Variants in R3HDM2 observed in about 807,000 individuals in gnomAD.
R3HDM2 encodes the protein R3H domain containing 2.
R3HDM2 carries 38 observed loss-of-function variants against 124.5 expected under a neutral mutation model. The observed-to-expected ratio is 0.31, with a 90% CI of 0.24 to 0.40. The LOEUF (loss-of-function observed/expected upper bound fraction) is 0.40. Among genes scored for constraint, R3HDM2 ranks in the 10% least tolerant of loss-of-function variants. R3HDM2 has a pLI of 1.00. For missense variants in R3HDM2, 869 were observed against 1,236.9 expected (o/e 0.70, Z 4.46); for synonymous variants, 391 against 448.0 (o/e 0.87, Z 1.61).
At chr12:57,352,799 G>C (rs1013347839) in intron 2 of R3HDM2, among the ~76,000 whole-genome samples, 1 of 152,032 alleles carries the variant, frequency 6.6e-6, no homozygotes, top group Non-Finnish European at 1.5e-5. Flanking sequence ...CAAGGCATAA[G>C]CTTCTTATAT....
At chr12:57,413,847 C>T (rs200553972) in intron 1 of R3HDM2, among the ~76,000 whole-genome samples, 1 of 120,540 alleles carries the variant, frequency 8.3e-6, no homozygotes. Context: ...AATCCCCCCC[C>T]TTTTTTTTTT....
intron 7 of R3HDM2, 181 bp downstream of exon 7, chr12:57,297,909 C>T: frequency 1.7e-6 from 1 of 598,386 alleles, no homozygotes; most frequent in Non-Finnish European, 3.0e-6. Context: ...AAACAGAAAC[C>T]TCAATGTGAG....
intron 2 of R3HDM2, among the ~76,000 whole-genome samples, chr12:57,363,707 A>G (rs1199078043): frequency 2.0e-5 from 3 of 152,170 alleles, no homozygotes; most frequent in Non-Finnish European, 2.9e-5. Flanking sequence ...TTATTATATT[A>G]TGTCAATTTT....
intron 2 of R3HDM2, among the ~76,000 whole-genome samples, chr12:57,311,602 G>A (rs1018345351): frequency 6.6e-6 from 1 of 151,872 alleles, no homozygotes; most frequent in Non-Finnish European, 1.5e-5. Flanking sequence ...TGAACTCCTG[G>A]ACTTAAGTGA....
chr12:57,370,348 T>C (rs915717096), intron 2 of R3HDM2, among the ~76,000 whole-genome samples: 2 of 146,562 alleles, frequency 1.4e-5, no homozygotes, highest in Non-Finnish European at 3.0e-5. Flanking sequence ...CAATTAAACC[T>C]TACTGGGCAC....
chr12:57,348,693 C>CAAAAAAAAAAAA (rs1168127324), intron 2 of R3HDM2, among the ~76,000 whole-genome samples: 32 of 25,144 alleles, frequency 1.3e-3, no homozygotes, highest in African/African-American at 4.9e-3. Flanking sequence ...GACTCCGTCT[C>CAAAAAAAAAAAA]AAAAAAAAAA....
intron 2 of R3HDM2, among the ~76,000 whole-genome samples, chr12:57,377,068 T>C (rs2064156998): frequency 1.8e-5 from 1 of 55,900 alleles, no homozygotes. Flanking sequence ...GCTCACTCCT[T>C]GGGTCCACGC....
intron 13 of R3HDM2, among the ~76,000 whole-genome samples, chr12:57,280,980 T>C (rs2045975306): frequency 6.6e-6 from 1 of 152,064 alleles, no homozygotes; most frequent in South Asian, 2.1e-4. Context: ...ATTTGCAACA[T>C]CTCTTATAAA....
intron 4 of R3HDM2, among the ~76,000 whole-genome samples, chr12:57,301,187 T>C (rs1323365381): frequency 1.3e-5 from 2 of 151,988 alleles, no homozygotes; most frequent in African/African-American, 2.4e-5. Context: ...TTTAATGCAA[T>C]AAAACCTAAT....
intron 2 of R3HDM2, among the ~76,000 whole-genome samples, chr12:57,364,952 C>CCA (rs1566352416): frequency 2.2e-5 from 1 of 46,484 alleles, no homozygotes; most frequent in Non-Finnish European, 4.2e-5. Context: ...GACTCCATCT[C>CCA]AAAAAAAAAA....
At chr12:57,299,319 T>C in intron 6 of R3HDM2, 33 bp downstream of exon 6, 1 of 1,530,740 alleles carries the variant, frequency 6.5e-7, no homozygotes, top group Non-Finnish European at 8.9e-7. Flanking sequence ...GGCACTGCCC[T>C]AGAACAGATG....
At chr12:57,320,865 C>G (rs2056339778) in intron 2 of R3HDM2, among the ~76,000 whole-genome samples, 1 of 152,126 alleles carries the variant, frequency 6.6e-6, no homozygotes, top group Non-Finnish European at 1.5e-5. Flanking sequence ...CATTTTCTCA[C>G]TTTTAATCTA....
rs780988798 is a variant in R3HDM2 at position 57,254,829 on chromosome 12, G to C, written c.2917C>G (p.Arg973Gly). Residue 973 changes from arginine (R) to glycine (G), a missense_variant, in exon 24 of 24, where the codon CGA becomes GGA. By Grantham distance (125) the Arg-to-Gly change is moderately radical (BLOSUM62 -2). Around this residue, in one of 2 missense-constraint regions of R3HDM2, gnomAD observed 602 missense variants for 789.2 expected, o/e 0.76. Coordinates refer to ENST00000402412, the MANE Select transcript of R3HDM2 (RefSeq NM_001394031.1). ...AGGTCATAGTTCTTTTTGGCCATTC[G>C]AAGTTTGAAGCGACTCACGGAGTTG... ...LNNSVSRFKL[R>G]MAKKNYDLRI... 1 of 1,610,420 alleles carries C rather than the reference G, an allele frequency of 6.2e-7. No individual in the cohort carries two copies. Among genetic ancestry groups the C allele is most frequent in the Non-Finnish European group, 8.5e-7 (1 of 1,177,998 alleles).
intron 21 of R3HDM2, among the ~76,000 whole-genome samples, chr12:57,257,709 G>C (rs941390696): frequency 1.3e-5 from 2 of 152,148 alleles, no homozygotes; most frequent in African/African-American, 4.8e-5. Flanking sequence ...AAACTCTTTG[G>C]TCATTAGAAA....
rs117669135 is a variant in R3HDM2 at position 57,369,111 on chromosome 12, C to T, written c.-36+26638G>A. ...CTCAAGAACTTTCTTGTCACCTACC[C>T]CCACTCTCCCATTTCCCACTTCCAA... On this transcript the variant is annotated intron_variant, in intron 2 of 23. Coordinates refer to ENST00000402412, the MANE Select transcript of R3HDM2 (RefSeq NM_001394031.1). Among the ~76,000 whole-genome samples, 66 of 152,228 alleles carry T rather than the reference C, an allele frequency of 4.3e-4. 1 individual carries two copies. The East Asian group carries it at 0.011, about 24-fold the overall frequency.
At position 57,330,505 on chromosome 12, in the gene R3HDM2, A is replaced by G. The variant is rs190164261; in HGVS notation, c.-35-20042T>C. 1.7e-3 allele frequency among the ~76,000 whole-genome samples: 235 copies of G among 142,086 alleles called. 1 individual carries two copies. The East Asian group carries it at 0.02, about 12-fold the overall frequency. 93.2% of individuals were successfully genotyped at this position (142,086 alleles called of 152,430 possible). On this transcript the variant is annotated intron_variant, in intron 2 of 23. Coordinates refer to ENST00000402412, the MANE Select transcript of R3HDM2 (RefSeq NM_001394031.1). The stretch of plus-strand genomic sequence containing the variant: ...ATTACAGGCACGCACCACCACGCCC[A>G]GCTAATTTTTTGTATTTTTAGTAGA...
intron 2 of R3HDM2, among the ~76,000 whole-genome samples, chr12:57,351,528 C>T (rs138141411): frequency 1.1e-4 from 17 of 152,260 alleles, no homozygotes; most frequent in African/African-American, 3.9e-4. Context: ...AAGAAAATGT[C>T]AGCATTTCAT....
chr12:57,357,500 G>A (rs986834906), intron 2 of R3HDM2, among the ~76,000 whole-genome samples: 31 of 151,872 alleles, frequency 2.0e-4, no homozygotes, highest in African/African-American at 7.2e-4. Context: ...GATATTCAAT[G>A]CCTGGAAAAT....
chr12:57,322,863 T>C (rs1264286387), intron 2 of R3HDM2, among the ~76,000 whole-genome samples: 1 of 152,064 alleles, frequency 6.6e-6, no homozygotes, highest in African/African-American at 2.4e-5. Flanking sequence ...GAGTGTCGGA[T>C]GGGAAGGGTG....
Sources: gnomAD v4.1 joint callset for allele counts (sites outside exome capture counted in the v4.1 genomes callset) on GRCh38, gnomAD v4.1.1 for gene constraint, gnomAD v4.1.1 regional missense constraint, MANE v1.5 for transcripts, NCBI Gene and HGNC (gene_info 2026-07-23, HGNC 2026-07-21) for gene names.